GABRB1: variants seen among roughly 807,000 people sequenced by gnomAD.
The protein encoded by GABRB1 is gamma-aminobutyric acid receptor subunit beta-1.
In GABRB1, 17 loss-of-function variants were observed where a neutral mutation model predicts 51.6. The observed-to-expected ratio is 0.33, with a 90% CI of 0.23 to 0.49. GABRB1 has a LOEUF of 0.49. Among genes scored for constraint, GABRB1 ranks in the 20% least tolerant of loss-of-function variants. The pLI, the probability that GABRB1 is intolerant of heterozygous loss-of-function variation, is 0.99. For synonymous variants in GABRB1, 247 were observed against 218.9 expected (o/e 1.13, Z -1.14); for missense variants, 410 against 600.6 (o/e 0.68, Z 3.32).
At chr4:47,139,890 T>C (rs570110382) in intron 3 of GABRB1, among the ~76,000 whole-genome samples, 45 of 152,098 alleles carry the variant, frequency 3.0e-4, no homozygotes, top group African/African-American at 1.1e-3. Flanking sequence ...ATAGAAATGT[T>C]CTACAGCATT....
intron 5 of GABRB1, among the ~76,000 whole-genome samples, chr4:47,358,711 G>A (rs1353435980): frequency 1.3e-5 from 2 of 152,068 alleles, no homozygotes; most frequent in Non-Finnish European, 2.9e-5. Context: ...GTCAGAATCT[G>A]AAGTTAGAAC....
intron 3 of GABRB1, among the ~76,000 whole-genome samples, chr4:47,048,860 A>G (rs1726217249): frequency 6.6e-6 from 1 of 152,048 alleles, no homozygotes; most frequent in African/African-American, 2.4e-5. Flanking sequence ...CTCTAGTCTG[A>G]ATTCTGCCAT....
At chr4:47,254,375 T>TTTTTTTTG in intron 4 of GABRB1, among the ~76,000 whole-genome samples, 2 of 125,292 alleles carry the variant, frequency 1.6e-5, no homozygotes, top group African/African-American at 6.2e-5. Flanking sequence ...TTTTTTTTTT[T>TTTTTTTTG]TTTTTTTTTT....
Position 47,090,820 on chromosome 4 carries a change from T to C in GABRB1, c.240+58336T>C, listed in dbSNP as rs532135647. ...AATGCTATGCAATTTGAGGCCTACA[T>C]GCCTGGCCAGGGATAGCTTTTTTCT... On this transcript the variant is annotated intron_variant, in intron 3 of 8. Transcript: ENST00000295454. Among the ~76,000 whole-genome samples the C allele has an allele frequency of 2.7e-5, 4 of 146,570 alleles. No homozygotes were observed. The Admixed American group carries it at 2.8e-4, about 10-fold the overall frequency.
At chr4:47,257,488 G>A (rs570736704) in intron 4 of GABRB1, among the ~76,000 whole-genome samples, 38 of 151,014 alleles carry the variant, frequency 2.5e-4, no homozygotes, top group African/African-American at 9.0e-4. Context: ...GGGGAGGCAG[G>A]ATCTTGAAAT....
At chr4:47,142,634 T>C (rs1716981040) in intron 3 of GABRB1, among the ~76,000 whole-genome samples, 1 of 151,944 alleles carries the variant, frequency 6.6e-6, no homozygotes, top group Non-Finnish European at 1.5e-5. Flanking sequence ...GTTAGAATTA[T>C]ATAGTTATTC....
At chr4:47,246,265 G>A (rs1377101865) in intron 4 of GABRB1, among the ~76,000 whole-genome samples, 10 of 122,082 alleles carry the variant, frequency 8.2e-5, no homozygotes, top group African/African-American at 2.4e-4. Context: ...TCAGGGCTGA[G>A]TAGTATTCCA....
At chr4:47,029,951 C>G (rs1303289048), upstream of GABRB1, among the ~76,000 whole-genome samples, 1 of 151,994 alleles carries the variant, frequency 6.6e-6, no homozygotes, top group African/African-American at 2.4e-5. Context: ...AAGGCAAATG[C>G]CCCCATATTC....
intron 5 of GABRB1, among the ~76,000 whole-genome samples, chr4:47,324,908 G>A (rs919569770): frequency 9.2e-5 from 14 of 152,204 alleles, no homozygotes; most frequent in South Asian, 2.1e-4. Flanking sequence ...CCGCTGATCC[G>A]TTCTATTGCA....
chr4:47,412,233 A>G (rs1463584992), intron 8 of GABRB1, among the ~76,000 whole-genome samples: 1 of 152,142 alleles, frequency 6.6e-6, no homozygotes. Flanking sequence ...TGTCTTTTAC[A>G]TTCATTGTTC....
intron 4 of GABRB1, among the ~76,000 whole-genome samples, chr4:47,208,208 A>G (rs907329392): frequency 2.6e-5 from 4 of 152,222 alleles, no homozygotes; most frequent in East Asian, 3.9e-4. Context: ...CCTTGAAAAC[A>G]TAATGCTAAG....
chr4:47,241,722 T>TGAA (rs141340588), intron 4 of GABRB1, among the ~76,000 whole-genome samples: 1,770 of 152,280 alleles, frequency 0.012, 34 homozygotes, highest in African/African-American at 0.041. Flanking sequence ...ATGTGAATCA[T>TGAA]GAAGACATTT....
intron 4 of GABRB1, among the ~76,000 whole-genome samples, chr4:47,213,699 C>T (rs1442651993): frequency 6.6e-6 from 1 of 152,008 alleles, no homozygotes; most frequent in African/African-American, 2.4e-5. Context: ...CATCCTGATT[C>T]TCATTTCTGT....
chr4:47,225,298 A>G (rs1012324662), intron 4 of GABRB1, among the ~76,000 whole-genome samples: 1 of 152,152 alleles, frequency 6.6e-6, no homozygotes, highest in African/African-American at 2.4e-5. Context: ...GAACTTTGTG[A>G]GGATATGCAT....
Position 47,411,051 on chromosome 4 carries a change from A to G in GABRB1, c.1080+4125A>G, listed in dbSNP as rs1337563966. Reference sequence around the variant, plus strand: ...GTCTCTATGGTGCATCATTCAAAATATCCAATATATAGTAAAAAATTACTA... The same window carrying G: ...GTCTCTATGGTGCATCATTCAAAATGTCCAATATATAGTAAAAAATTACTA... On this transcript the variant is annotated intron_variant, in intron 8 of 8. Transcript: ENST00000295454. Among the ~76,000 whole-genome samples the G allele has an allele frequency of 2.6e-5, 4 of 152,220 alleles. No individual in the cohort carries two copies. The East Asian group carries it at 5.8e-4, about 22-fold the overall frequency.
intron 1 of GABRB1, among the ~76,000 whole-genome samples, chr4:47,022,254 G>T (rs903180179): frequency 1.3e-5 from 2 of 151,928 alleles, no homozygotes; most frequent in Admixed American, 6.6e-5. Context: ...CTTGCTAAAA[G>T]GATCTAATGG....
At chr4:47,167,598 T>C (rs940796471) in intron 4 of GABRB1, among the ~76,000 whole-genome samples, 2 of 152,226 alleles carry the variant, frequency 1.3e-5, no homozygotes, top group South Asian at 4.2e-4. Flanking sequence ...GGTTTGAATG[T>C]TTGTTTCCTC....
At chr4:47,225,413 T>C (rs1386589109) in intron 4 of GABRB1, among the ~76,000 whole-genome samples, 1 of 152,172 alleles carries the variant, frequency 6.6e-6, no homozygotes, top group African/African-American at 2.4e-5. Context: ...GTTAGATGTT[T>C]TTCATGTTTT....
At chr4:47,297,629 C>G (rs1355924013) in intron 4 of GABRB1, among the ~76,000 whole-genome samples, 11 of 152,024 alleles carry the variant, frequency 7.2e-5, no homozygotes. Context: ...GCTTACCAAC[C>G]AAAAAGAGTC....
Sources: allele counts gnomAD v4.1 joint callset (sites outside exome capture counted in the v4.1 genomes callset), GRCh38; gene constraint gnomAD v4.1.1; transcripts MANE v1.5; gene names NCBI Gene and HGNC (gene_info 2026-07-23, HGNC 2026-07-21).